ZBTB41: variants seen among roughly 807,000 people sequenced by gnomAD.
ZBTB41 encodes the protein zinc finger and BTB domain containing 41.
ZBTB41 carries 42 observed loss-of-function variants against 87.6 expected under a neutral mutation model. The ratio of observed to expected loss-of-function variants is 0.48; its 90% CI spans 0.37 to 0.62. The LOEUF (loss-of-function observed/expected upper bound fraction) is 0.62, where lower values mean the gene tolerates loss of function less well. ZBTB41 is among the 20% of genes least tolerant of loss of function. The pLI, the probability that ZBTB41 is intolerant of heterozygous loss-of-function variation, is 0.00. For missense variants in ZBTB41, 799 were observed against 1,078.9 expected, an observed-to-expected ratio of 0.74 and a Z score of 3.63; for synonymous variants, 364 against 364.0, an observed-to-expected ratio of 1.00 and a Z score of 0.00.
chr1:197,200,552 T>C lies in ZBTB41; in HGVS notation c.-79A>G, dbSNP rs543142889. The C allele has an allele frequency of 4.7e-5, 66 of 1,407,706 alleles. No individual in the cohort carries two copies. In the African/African-American group the frequency reaches 8.6e-4, roughly 18 times the overall value. The allele number at this position is 1,407,706 out of a possible 1,614,324, so 87.2% of individuals were successfully genotyped here. ...TAAAGGAAAACTAGATTGTCTTGGA[T>C]AACAGCTTCTGAAGGGGCGTGCCCA... On this transcript the variant is annotated 5_prime_UTR_variant, in exon 2 of 11. Transcript: ENST00000367405.
At chr1:197,164,006 A>G (rs1024752897) in intron 10 of ZBTB41, among the ~76,000 whole-genome samples, 2 of 152,106 alleles carry the variant, frequency 1.3e-5, no homozygotes, top group Non-Finnish European at 2.9e-5. Flanking sequence ...AGTAAACAGT[A>G]AAGAATAAAT....
chr1:197,183,671 A>C lies in ZBTB41; in HGVS notation c.1547-2554T>G, dbSNP rs567441576. Among the ~76,000 whole-genome samples, 35 of 152,334 alleles carry C rather than the reference A, an allele frequency of 2.3e-4. 1 individual carries two copies. The highest frequency in any genetic ancestry group is 8.4e-4 in the African/African-American group (35 of 41,582). On this transcript the variant is annotated intron_variant, in intron 5 of 10. Coordinates refer to ENST00000367405, the MANE Select transcript of ZBTB41 (RefSeq NM_194314.3). ...ATCCCCAGATCCTAACACAGAGCTG[A>C]TCATACATTTAGCAGTTGCTCCATA...
intron 2 of ZBTB41, among the ~76,000 whole-genome samples, chr1:197,195,698 A>G (rs575566993): frequency 2.0e-5 from 3 of 152,250 alleles, no homozygotes; most frequent in African/African-American, 7.2e-5. Context: ...AAAAAGATGA[A>G]TTATCCAAAT....
Position 197,159,982 on chromosome 1 carries a change from G to C in ZBTB41, c.2107C>G (p.Gln703Glu). Reference sequence around the variant, plus strand: ...AATGTTTTCTTAATTCTAAAAGACTGATTGCAAATTTGACACTTGTATGGT... The same window carrying C: ...AATGTTTTCTTAATTCTAAAAGACTCATTGCAAATTTGACACTTGTATGGT... ...EKPYKCQICN[Q>E]SFRIKKTLTK... is the part of the protein sequence containing the mutation. Residue 703 changes from glutamine to glutamate, a missense_variant, in exon 11 of 11, where the codon CAG (glutamine) becomes GAG (glutamate). Gln to Glu is a conservative substitution (Grantham distance 29, BLOSUM62 2). Transcript: ENST00000367405. 6.2e-7 allele frequency: 1 copy of C among 1,612,992 alleles called. No individual in the cohort carries two copies. Among genetic ancestry groups the C allele is most frequent in the Middle Eastern group, 1.7e-4 (1 of 6,058 alleles).
At chr1:197,172,514 A>G (rs543060816) in intron 9 of ZBTB41, among the ~76,000 whole-genome samples, 5 of 151,986 alleles carry the variant, frequency 3.3e-5, no homozygotes, top group Admixed American at 3.3e-4. Context: ...GTAGATTTTC[A>G]ACTGCTTTAA....
chr1:197,184,510 T>TA (rs573351151), intron 5 of ZBTB41, among the ~76,000 whole-genome samples: 7 of 152,308 alleles, frequency 4.6e-5, no homozygotes, highest in African/African-American at 1.2e-4. Context: ...AAAATATATA[T>TA]TTGTCAATAT....
At chr1:197,160,115 C>A (rs748964351) in intron 10 of ZBTB41, 101 bp from the exon 11 acceptor site, 4 of 840,032 alleles carry the variant, frequency 4.8e-6, no homozygotes, top group East Asian at 2.6e-5. Context: ...CTTGCCAGAA[C>A]TTGATAATAG....
Position 197,199,923 on chromosome 1 carries a change from G to A in ZBTB41, c.551C>T (p.Ser184Leu). 1.9e-6 allele frequency: 3 copies of A among 1,612,382 alleles called. No individual in the cohort carries two copies. The highest frequency in any genetic ancestry group is 2.5e-6 in the Non-Finnish European group (3 of 1,179,116). ...TGGTGATGACTTTTCAGTTAGCTCTGAATGAAAAGGGGCAACATTTTCGTT... is the reference window on the plus strand; with the variant it reads ...TGGTGATGACTTTTCAGTTAGCTCTAAATGAAAAGGGGCAACATTTTCGTT... ...LNNENVAPFH[S>L]ELTEKSSPEE... The change falls in exon 2 of 11, where the codon TCA (serine) becomes TTA (leucine). Residue 184 changes from serine to leucine, a missense_variant. Transcript: ENST00000367405.
At chr1:197,199,244 T>G (rs1660238130) in intron 2 of ZBTB41, 110 bp downstream of exon 2, 1 of 1,124,032 alleles carries the variant, frequency 8.9e-7, no homozygotes. Context: ...TCTCCCTACT[T>G]AAACAGTCTT....
chr1:197,173,871 G>A (rs191797573), intron 9 of ZBTB41, among the ~76,000 whole-genome samples: 267 of 152,136 alleles, frequency 1.8e-3, no homozygotes, highest in Admixed American at 3.4e-3. Context: ...GCCTGAAAAC[G>A]TTTTTGTTTT....
intron 7 of ZBTB41, 138 bp from the exon 8 acceptor site, chr1:197,176,808 T>C (rs1284898810): frequency 3.1e-6 from 2 of 646,850 alleles, no homozygotes; most frequent in Admixed American, 2.8e-5. Flanking sequence ...TTTATTTCTA[T>C]GACTTTCAGA....
intron 2 of ZBTB41, among the ~76,000 whole-genome samples, chr1:197,198,487 A>G (rs976225713): frequency 6.6e-5 from 10 of 152,112 alleles, no homozygotes; most frequent in Non-Finnish European, 1.0e-4. Flanking sequence ...AGATTGCAGT[A>G]ATTTTTTTTT....
chr1:197,191,730 A>G lies in ZBTB41; in HGVS notation c.1290T>C (p.Leu430=). Residue 430 remains leucine, a synonymous_variant, in exon 3 of 11, where the codon CTT becomes CTC. Coordinates refer to ENST00000367405, the MANE Select transcript of ZBTB41 (RefSeq NM_194314.3). ...KEHKCPYCNK[L]HASKKTLAKH... is the part of the protein sequence containing the mutation. Reference sequence around the variant, plus strand: ...TGGCTAAAGTCTTCTTGCTTGCATGAAGTTTATTACAATAAGGGCACTTGT... The same window carrying G: ...TGGCTAAAGTCTTCTTGCTTGCATGGAGTTTATTACAATAAGGGCACTTGT... 1 of 1,613,450 alleles carries G rather than the reference A, an allele frequency of 6.2e-7. No individual in the cohort carries two copies. The highest frequency in any genetic ancestry group is 8.5e-7 in the Non-Finnish European group (1 of 1,179,718).
chr1:197,159,187 C>T lies in ZBTB41; in HGVS notation c.*172G>A. On this transcript the variant is annotated 3_prime_UTR_variant, in exon 11 of 11. Coordinates refer to ENST00000367405, the MANE Select transcript of ZBTB41 (RefSeq NM_194314.3). ...TCAAATATTATGCCAGAAATTTTGTCCAAATATTCATGTTCAGTAAACAGA... is the reference window on the plus strand; with the variant it reads ...TCAAATATTATGCCAGAAATTTTGTTCAAATATTCATGTTCAGTAAACAGA... 1 of 607,092 alleles carries T rather than the reference C, an allele frequency of 1.6e-6. No individual in the cohort carries two copies. Among genetic ancestry groups the T allele is most frequent in the Non-Finnish European group, 2.7e-6 (1 of 365,804 alleles). 37.6% of individuals were successfully genotyped at this position (607,092 alleles called of 1,614,324 possible). A position where few individuals can be genotyped will look rare whatever the true frequency, so the allele number is the denominator to read the frequency against.
At chr1:197,188,236 C>T (rs1395491120) in intron 5 of ZBTB41, 56 bp downstream of exon 5, 1 of 1,590,470 alleles carries the variant, frequency 6.3e-7, no homozygotes, top group Non-Finnish European at 8.6e-7. Context: ...GCTCCTCCAG[C>T]ATGATGTGAT....
At chr1:197,187,728 C>T (rs1026207475) in intron 5 of ZBTB41, among the ~76,000 whole-genome samples, 6 of 151,930 alleles carry the variant, frequency 3.9e-5, no homozygotes, top group Non-Finnish European at 7.4e-5. Context: ...AAAGGCAACA[C>T]AGTGTATGAT....
intron 7 of ZBTB41, among the ~76,000 whole-genome samples, 167 bp from the exon 8 acceptor site, chr1:197,176,837 C>T (rs568874112): frequency 6.6e-6 from 1 of 152,188 alleles, no homozygotes; most frequent in South Asian, 2.1e-4. Flanking sequence ...CAGTCTTTTA[C>T]CACCTGACCC....
chr1:197,192,718 G>C (rs1022253067), intron 2 of ZBTB41, among the ~76,000 whole-genome samples: 1 of 151,998 alleles, frequency 6.6e-6, no homozygotes. Context: ...TTCTTCAGGT[G>C]AAAACTAATG....
chr1:197,200,198 G>T lies in ZBTB41; in HGVS notation c.276C>A (p.Ile92=). 1 of 1,613,716 alleles carries T rather than the reference G, an allele frequency of 6.2e-7. No individual in the cohort carries two copies. Among genetic ancestry groups the T allele is most frequent in the South Asian group, 1.1e-5 (1 of 90,954 alleles). ...QKQPSFCDLL[I]IVEGKEFSAH... is the part of the protein sequence containing the mutation. Reference sequence around the variant, plus strand: ...CACTAAATTCTTTTCCTTCCACTATGATAAGTAAATCACAAAAAGATGGTT... The same window carrying T: ...CACTAAATTCTTTTCCTTCCACTATTATAAGTAAATCACAAAAAGATGGTT... Residue 92 remains isoleucine (I), a synonymous_variant, in exon 2 of 11, where the codon ATC becomes ATA. Transcript: ENST00000367405.
Sources: gnomAD v4.1 joint callset for allele counts (sites outside exome capture counted in the v4.1 genomes callset) on GRCh38, gnomAD v4.1.1 for gene constraint, MANE v1.5 for transcripts, NCBI Gene and HGNC (gene_info 2026-07-23, HGNC 2026-07-21) for gene names.